NRXN3: variants seen among roughly 807,000 people sequenced by gnomAD.
NRXN3 encodes neurexin 3.
In NRXN3, 32 loss-of-function variants were observed where a neutral mutation model predicts 137.6. The observed-to-expected ratio is 0.23, with a 90% CI of 0.18 to 0.31. The LOEUF (loss-of-function observed/expected upper bound fraction) is 0.31. Among genes scored for constraint, NRXN3 ranks in the 10% least tolerant of loss-of-function variants. The probability of loss-of-function intolerance (pLI) is 1.00; values close to 1 mark genes in which losing one functional copy is unlikely to be tolerated. For synonymous variants in NRXN3, 798 were observed against 784.5 expected (o/e 1.02, Z -0.29); for missense variants, 1,574 against 2,062.5 (o/e 0.76, Z 4.59).
intron 4 of NRXN3, among the ~76,000 whole-genome samples, chr14:78,349,886 A>G (rs535151313): frequency 6.6e-6 from 1 of 152,246 alleles, no homozygotes; most frequent in Non-Finnish European, 1.5e-5. Flanking sequence ...CTGAGCACTA[A>G]TTATGGCATG....
chr14:78,280,723 G>T (rs1464960923), intron 3 of NRXN3, among the ~76,000 whole-genome samples: 1 of 152,172 alleles, frequency 6.6e-6, no homozygotes, highest in Non-Finnish European at 1.5e-5. Flanking sequence ...CGCCATATTG[G>T]TCCTGGGTGA....
intron 20 of NRXN3, among the ~76,000 whole-genome samples, chr14:79,810,688 G>T (rs968817092): frequency 1.3e-5 from 2 of 152,068 alleles, no homozygotes; most frequent in Non-Finnish European, 2.9e-5. Flanking sequence ...TTTCCAGGTG[G>T]AACTGGATTC....
intron 6 of NRXN3, among the ~76,000 whole-genome samples, chr14:78,686,497 T>G (rs143328061): frequency 1.5e-3 from 229 of 152,272 alleles, no homozygotes; most frequent in African/African-American, 5.4e-3. Flanking sequence ...GGAAAGCAGG[T>G]TTTGCCATTG....
chr14:78,212,107 A>G (rs2062810130), intron 1 of NRXN3, among the ~76,000 whole-genome samples: 1 of 152,200 alleles, frequency 6.6e-6, no homozygotes, highest in Non-Finnish European at 1.5e-5. Flanking sequence ...ACTGTGACTC[A>G]GTGGAGACAC....
intron 4 of NRXN3, among the ~76,000 whole-genome samples, chr14:78,617,913 T>TTTC (rs2097362549): frequency 2.0e-5 from 3 of 149,314 alleles, no homozygotes; most frequent in Non-Finnish European, 3.0e-5. Context: ...CCATTGAAAG[T>TTTC]AATGGCAAAA....
At chr14:79,582,325 T>C (rs75036035) in intron 16 of NRXN3, among the ~76,000 whole-genome samples, 16,753 of 152,276 alleles carry the variant, frequency 0.11, 1,053 homozygotes, top group South Asian at 0.22. Context: ...ATCAAATCAC[T>C]CAGCTGGTAA....
At chr14:79,203,077 A>C (rs968001304) in intron 15 of NRXN3, among the ~76,000 whole-genome samples, 12 of 152,104 alleles carry the variant, frequency 7.9e-5, no homozygotes, top group Non-Finnish European at 1.6e-4. Flanking sequence ...CTTTTACCAG[A>C]AAACTCCTCC....
chr14:78,743,950 A>G (rs907425309), intron 8 of NRXN3, among the ~76,000 whole-genome samples: 1 of 152,178 alleles, frequency 6.6e-6, no homozygotes, highest in South Asian at 2.1e-4. Flanking sequence ...CTAGCATTCA[A>G]AGAGAACACT....
At chr14:79,850,417 C>T in intron 20 of NRXN3, among the ~76,000 whole-genome samples, 1 of 152,128 alleles carries the variant, frequency 6.6e-6, no homozygotes, top group East Asian at 1.9e-4. Context: ...GGAGGGTTTG[C>T]AACTGGAGTA....
intron 8 of NRXN3, among the ~76,000 whole-genome samples, chr14:78,791,693 C>A (rs2098805556): frequency 6.6e-6 from 1 of 152,096 alleles, no homozygotes; most frequent in South Asian, 2.1e-4. Context: ...GATTCCCCTC[C>A]ATTGCCTTGG....
At chr14:78,616,045 C>T (rs1476895994) in intron 4 of NRXN3, among the ~76,000 whole-genome samples, 1 of 152,222 alleles carries the variant, frequency 6.6e-6, no homozygotes, top group Non-Finnish European at 1.5e-5. Context: ...GTGCCGCCAT[C>T]ACTCATCACC....
intron 4 of NRXN3, among the ~76,000 whole-genome samples, chr14:78,629,657 A>T (rs2097501408): frequency 6.6e-6 from 1 of 152,252 alleles, no homozygotes; most frequent in Non-Finnish European, 1.5e-5. Context: ...GACACTTGTG[A>T]TCCCAAATTC....
At chr14:79,397,295 A>G (rs1434306661) in intron 15 of NRXN3, among the ~76,000 whole-genome samples, 1 of 152,212 alleles carries the variant, frequency 6.6e-6, no homozygotes, top group Non-Finnish European at 1.5e-5. Flanking sequence ...AATTACATGC[A>G]TCTTTCATGA....
intron 4 of NRXN3, among the ~76,000 whole-genome samples, chr14:78,554,352 C>T (rs909655040): frequency 5.3e-5 from 8 of 152,138 alleles, no homozygotes; most frequent in Non-Finnish European, 1.2e-4. Context: ...GGGCTCCTCT[C>T]CTGGGGTGGA....
intron 10 of NRXN3, among the ~76,000 whole-genome samples, chr14:78,917,002 C>T (rs746530145): frequency 6.6e-6 from 1 of 152,158 alleles, no homozygotes; most frequent in Non-Finnish European, 1.5e-5. Context: ...GGTCCGCCCT[C>T]ATGCCATAAT....
At chr14:78,909,761 G>T (rs1440543034) in intron 10 of NRXN3, among the ~76,000 whole-genome samples, 1 of 152,116 alleles carries the variant, frequency 6.6e-6, no homozygotes, top group East Asian at 1.9e-4. Context: ...AAAGTGTCTT[G>T]CACTTGATGG....
chr14:78,710,139 G>T (rs957134018), intron 7 of NRXN3, among the ~76,000 whole-genome samples: 3 of 152,212 alleles, frequency 2.0e-5, no homozygotes, highest in Non-Finnish European at 4.4e-5. Flanking sequence ...GTTGCATGGA[G>T]AAATTATGAC....
chr14:79,154,971 C>T (rs986569806), intron 15 of NRXN3, among the ~76,000 whole-genome samples: 4 of 151,802 alleles, frequency 2.6e-5, no homozygotes, highest in Non-Finnish European at 5.9e-5. Flanking sequence ...CTTTATGTTC[C>T]CCTGTGGATC....
intron 4 of NRXN3, among the ~76,000 whole-genome samples, chr14:78,498,695 A>G (rs2095830722): frequency 6.6e-6 from 1 of 152,164 alleles, no homozygotes; most frequent in Admixed American, 6.5e-5. Flanking sequence ...TTAAGGGGAT[A>G]ATTTCAGTGG....
Sources: allele counts gnomAD v4.1 joint callset (sites outside exome capture counted in the v4.1 genomes callset), GRCh38; gene constraint gnomAD v4.1.1; transcripts MANE v1.5; gene names NCBI Gene and HGNC (gene_info 2026-07-23, HGNC 2026-07-21).